The following SORCS1 variants were observed in gnomAD, a reference collection of about 807,000 sequenced individuals.
The protein encoded by SORCS1 is sortilin related VPS10 domain containing receptor 1, also known as VPS10 domain-containing receptor SorCS1.
SORCS1 carries 60 observed loss-of-function variants against 146.1 expected under a neutral mutation model. The ratio of observed to expected loss-of-function variants is 0.41; its 90% CI spans 0.33 to 0.51. The LOEUF is 0.51. Among genes scored for constraint, SORCS1 ranks in the 20% least tolerant of loss-of-function variants. The pLI, the probability that SORCS1 is intolerant of heterozygous loss-of-function variation, is 0.21. For missense variants in SORCS1, 1,352 were observed against 1,487.6 expected, an observed-to-expected ratio of 0.91 and a Z score of 1.50; for synonymous variants, 637 against 584.0, an observed-to-expected ratio of 1.09 and a Z score of -1.31.
chr10:106,881,700 C>T (rs1000876472), intron 2 of SORCS1, among the ~76,000 whole-genome samples: 2 of 152,236 alleles, frequency 1.3e-5, no homozygotes, highest in Admixed American at 1.3e-4. Context: ...ACGGGCTTAA[C>T]AGCAAGAGCT....
chr10:107,094,709 A>G (rs1590122676), intron 1 of SORCS1, among the ~76,000 whole-genome samples: 2 of 152,190 alleles, frequency 1.3e-5, no homozygotes, highest in African/African-American at 4.8e-5. Flanking sequence ...AATATCAGAG[A>G]GGACACTATG....
intron 3 of SORCS1, among the ~76,000 whole-genome samples, chr10:106,808,749 A>G (rs1351463146): frequency 1.3e-5 from 2 of 151,960 alleles, no homozygotes; most frequent in South Asian, 2.1e-4. Flanking sequence ...TGATCCGCCC[A>G]CCTTGGCCTC....
intron 19 of SORCS1, among the ~76,000 whole-genome samples, chr10:106,625,246 G>GTA (rs1491011493): frequency 2.9e-5 from 4 of 137,194 alleles, no homozygotes; most frequent in Non-Finnish European, 4.6e-5. Context: ...GTGTGTGTGT[G>GTA]TACACTGGCT....
intron 3 of SORCS1, among the ~76,000 whole-genome samples, chr10:106,809,075 C>T (rs574152676): frequency 6.6e-6 from 1 of 152,274 alleles, no homozygotes; most frequent in Admixed American, 6.5e-5. Context: ...TCATCAGACT[C>T]AGATTCAGTC....
intron 1 of SORCS1, among the ~76,000 whole-genome samples, chr10:106,964,113 G>A (rs1285124173): frequency 6.6e-6 from 1 of 152,310 alleles, no homozygotes; most frequent in East Asian, 1.9e-4. Flanking sequence ...AAAGCTCAGA[G>A]AGCATTAAGA....
At chr10:106,957,175 T>TTG (rs1954995988) in intron 1 of SORCS1, among the ~76,000 whole-genome samples, 2 of 143,760 alleles carry the variant, frequency 1.4e-5, no homozygotes, top group African/African-American at 2.7e-5. Context: ...GTTTTTTTTG[T>TTG]TTTTTTTTTT....
At chr10:107,056,750 C>T (rs907577645) in intron 1 of SORCS1, among the ~76,000 whole-genome samples, 3 of 152,184 alleles carry the variant, frequency 2.0e-5, no homozygotes, top group Non-Finnish European at 4.4e-5. Flanking sequence ...TCTCTGCTCA[C>T]CCAAACTTCT....
In SORCS1 at chr10:106,624,365, T is replaced by A. The variant is rs1375076313; in HGVS notation, c.2663-3804A>T. Among the ~76,000 whole-genome samples, 168 of 134,496 alleles carry A rather than the reference T, an allele frequency of 1.2e-3. 1 individual carries two copies. Among genetic ancestry groups the A allele is most frequent in the South Asian group, 3.2e-3 (12 of 3,794 alleles). 88.2% of individuals were successfully genotyped at this position (134,496 alleles called of 152,430 possible). A position where few individuals can be genotyped will look rare whatever the true frequency, so the allele number is the denominator to read the frequency against. On this transcript the variant is annotated intron_variant, in intron 19 of 25. Transcript: ENST00000263054. ...ATGACGATTTTTTTTTTTTTTTTTT[T>A]TTTTTTTTTTTTTGAGACGGAGTTT...
upstream of SORCS1, among the ~76,000 whole-genome samples, chr10:107,166,364 T>C (rs1412990672): frequency 6.6e-6 from 1 of 152,232 alleles, no homozygotes; most frequent in Non-Finnish European, 1.5e-5. Flanking sequence ...AGAGGTGTTG[T>C]AAAATATCGG....
intron 2 of SORCS1, among the ~76,000 whole-genome samples, chr10:106,927,470 C>G (rs1301681208): frequency 2.0e-5 from 3 of 152,066 alleles, no homozygotes; most frequent in Non-Finnish European, 4.4e-5. Context: ...AAAGAGTGAG[C>G]AGCAGCAAGA....
chr10:106,784,134 G>T (rs529131331), intron 3 of SORCS1, among the ~76,000 whole-genome samples: 1 of 152,120 alleles, frequency 6.6e-6, no homozygotes, highest in Non-Finnish European at 1.5e-5. Flanking sequence ...AGTGGCTCAC[G>T]CCTGTAATCC....
intron 2 of SORCS1, among the ~76,000 whole-genome samples, chr10:106,940,428 G>A (rs1589751437): frequency 6.6e-6 from 1 of 152,346 alleles, no homozygotes; most frequent in East Asian, 1.9e-4. Context: ...AAGGTAGCAT[G>A]TGTCCTTCGA....
At position 106,995,207 on chromosome 10, in the gene SORCS1, G is replaced by A. The variant is rs111338848; in HGVS notation, c.559-38627C>T. Among the ~76,000 whole-genome samples the A allele has an allele frequency of 1.3e-3, 203 of 151,908 alleles. 1 individual carries two copies. The highest frequency in any genetic ancestry group is 4.5e-3 in the African/African-American group (188 of 41,434). Reference sequence around the variant, plus strand: ...CGGGCGCCTGTAGTCCCAGCTACTCGGGAGGCTGAGGCAGGAGAATGGCGT... The same window carrying A: ...CGGGCGCCTGTAGTCCCAGCTACTCAGGAGGCTGAGGCAGGAGAATGGCGT... On this transcript the variant is annotated intron_variant, in intron 1 of 25. Transcript: ENST00000263054.
At chr10:106,577,897 G>A (rs1164525535) in intron 25 of SORCS1, 2 of 200,562 alleles carry the variant, frequency 1.0e-5, no homozygotes, top group Non-Finnish European at 2.0e-5. Context: ...CACCAGATGT[G>A]ACTGCAGTTG....
chr10:106,662,078 T>A (rs996228407), intron 17 of SORCS1, among the ~76,000 whole-genome samples: 3 of 152,212 alleles, frequency 2.0e-5, no homozygotes, highest in African/African-American at 4.8e-5. Context: ...ATTCCATCCA[T>A]CCTTTCTAAG....
chr10:107,048,124 G>A (rs1959691562), intron 1 of SORCS1, among the ~76,000 whole-genome samples: 1 of 151,906 alleles, frequency 6.6e-6, no homozygotes, highest in South Asian at 2.1e-4. Context: ...CTACCTGGAT[G>A]GGGCCTTTCC....
chr10:107,119,971 A>G (rs972882126), intron 1 of SORCS1, among the ~76,000 whole-genome samples: 1 of 152,088 alleles, frequency 6.6e-6, no homozygotes, highest in African/African-American at 2.4e-5. Context: ...CACTTAGAAA[A>G]GCTTTCCATG....
intron 2 of SORCS1, among the ~76,000 whole-genome samples, chr10:106,862,531 G>T (rs1036237577): frequency 1.2e-4 from 18 of 151,870 alleles, no homozygotes; most frequent in African/African-American, 4.4e-4. Context: ...GCCCAAGTTA[G>T]TCCTCATTAA....
chr10:106,668,189 C>T lies in SORCS1; in HGVS notation c.2190-387G>A, dbSNP rs187627860. On this transcript the variant is annotated intron_variant, in intron 16 of 25. Coordinates refer to ENST00000263054, the MANE Select transcript of SORCS1 (RefSeq NM_052918.5). ...GAGAAATTCATCGCAGAGTTTAACA[C>T]GGCCACATGTGGCACAGTCCTCATT... Among the ~76,000 whole-genome samples the T allele has an allele frequency of 1.9e-3, 293 of 152,296 alleles. 3 individuals are homozygous for T. The highest frequency in any genetic ancestry group is 3.4e-3 in the Middle Eastern group (1 of 294).
Sources: gnomAD v4.1 joint callset for allele counts (sites outside exome capture counted in the v4.1 genomes callset) on GRCh38, gnomAD v4.1.1 for gene constraint, MANE v1.5 for transcripts, NCBI Gene and HGNC (gene_info 2026-07-23, HGNC 2026-07-21) for gene names.